The following ZBTB34 variants were observed in gnomAD, a reference collection of about 807,000 sequenced individuals.
ZBTB34 encodes zinc finger and BTB domain containing 34, also known as zinc finger and BTB domain-containing protein 34.
A neutral mutation model predicts 33.4 loss-of-function variants in ZBTB34; 1 was observed. That is an observed-to-expected ratio of 0.03 (90% CI 0.01 to 0.14). ZBTB34 has a LOEUF of 0.14. ZBTB34 is among the 10% of genes least tolerant of loss of function. ZBTB34 has a pLI of 1.00. For synonymous variants in ZBTB34, 283 were observed against 253.5 expected (o/e 1.12, Z -1.11); for missense variants, 406 against 657.2 (o/e 0.62, Z 4.18).
chr9:126,869,139 C>T (rs1357759598), intron 1 of ZBTB34, among the ~76,000 whole-genome samples: 2 of 151,914 alleles, frequency 1.3e-5, no homozygotes, highest in African/African-American at 4.8e-5. Context: ...ACTAAAATGC[C>T]CTCATTTGCC....
At chr9:126,885,208 C>T (rs949415632) in exon 2 of ZBTB34, 2 of 167,050 alleles carry the variant, frequency 1.2e-5, no homozygotes, top group Admixed American at 6.5e-5. Flanking sequence ...CTTCTCGGCC[C>T]GGAAGAGAAC....
At chr9:126,884,447 T>C (rs1195971259) in exon 2 of ZBTB34, 1 of 164,890 alleles carries the variant, frequency 6.1e-6, no homozygotes, top group Non-Finnish European at 1.5e-5. Flanking sequence ...GCCTTGGCAG[T>C]TGTGTTTTTT....
intron 1 of ZBTB34, among the ~76,000 whole-genome samples, chr9:126,875,974 G>C (rs2033350900): frequency 1.3e-5 from 2 of 151,758 alleles, no homozygotes; most frequent in Non-Finnish European, 2.9e-5. Context: ...ACCATTAAAT[G>C]AGTTTGCAAA....
chr9:126,867,851 A>G (rs894170292), intron 1 of ZBTB34, among the ~76,000 whole-genome samples: 7 of 151,844 alleles, frequency 4.6e-5, no homozygotes, highest in African/African-American at 1.7e-4. Context: ...GATCCTCCAT[A>G]CATTCCTTGG....
At chr9:126,870,082 G>A (rs1034874062) in intron 1 of ZBTB34, among the ~76,000 whole-genome samples, 1 of 152,070 alleles carries the variant, frequency 6.6e-6, no homozygotes, top group Non-Finnish European at 1.5e-5. Context: ...TTTGGGTGTG[G>A]TTTTTTTGCC....
rs566712539 is a variant in ZBTB34 at position 126,880,753 on chromosome 9, C to T, written c.1354C>T (p.Arg452Trp). Residue 452 changes from arginine to tryptophan, a missense_variant, in exon 2 of 2, where the codon CGG (arginine) becomes TGG (tryptophan). Arg to Trp is a moderately radical substitution (Grantham distance 101). This residue lies in a region of ZBTB34 where 36 missense variants were observed against 109.4 expected (regional missense o/e 0.33). Transcript: ENST00000319119. The surrounding 1 kb of genome is among the most constrained non-coding windows in gnomAD (Gnocchi z 6.7). ...CCAAGGTACCCTCAACCAGCACTTG[C>T]GGAAAAACCACCCAGGCGTTGCTGA... 3 of 1,613,692 alleles carry T rather than the reference C, an allele frequency of 1.9e-6. No homozygotes were observed. Among genetic ancestry groups the T allele is most frequent in the East Asian group, 2.2e-5 (1 of 44,886 alleles).
Position 126,880,135 on chromosome 9 carries a change from G to C in ZBTB34, c.736G>C (p.Asp246His). 4 of 1,613,746 alleles carry C rather than the reference G, an allele frequency of 2.5e-6. No individual in the cohort carries two copies. Among genetic ancestry groups the C allele is most frequent in the Non-Finnish European group, 3.4e-6 (4 of 1,179,888 alleles). Residue 246 changes from aspartate (D) to histidine (H), a missense_variant, in exon 2 of 2, where the codon GAC (aspartate) becomes CAC (histidine). Coordinates refer to ENST00000319119, the Ensembl canonical transcript of ZBTB34. The surrounding 1 kb of genome is among the most constrained non-coding windows in gnomAD (Gnocchi z 6.7). ...GGTGAAAGTGAAGATGGAGAAGTCCGACCGGCCCAGCTGTTCCGACAGCTC... is the reference window on the plus strand; with the variant it reads ...GGTGAAAGTGAAGATGGAGAAGTCCCACCGGCCCAGCTGTTCCGACAGCTC...
Position 126,880,814 on chromosome 9 carries a change from A to G in ZBTB34, c.1415A>G (p.Asp472Gly). ...CGCATTGAGTCCCCCGAGAGAACAGATGTGTACGTGGAACAGAAACTAGAA... is the reference window on the plus strand; with the variant it reads ...CGCATTGAGTCCCCCGAGAGAACAGGTGTGTACGTGGAACAGAAACTAGAA... Residue 472 changes from aspartate to glycine, a missense_variant, in exon 2 of 2, where the codon GAT (aspartate) becomes GGT (glycine). Transcript: ENST00000319119. The surrounding 1 kb of genome is among the most constrained non-coding windows in gnomAD (Gnocchi z 6.7). The G allele has an allele frequency of 6.2e-7, 1 of 1,613,750 alleles. No individual in the cohort carries two copies.
intron 1 of ZBTB34, chr9:126,863,635 A>C (rs2033167861): frequency 1.1e-6 from 1 of 947,890 alleles, no homozygotes; most frequent in Admixed American, 6.2e-5. Context: ...CATCAACTGA[A>C]CGCAGTTAAA....
chr9:126,865,553 A>G (rs753262897), intron 1 of ZBTB34, among the ~76,000 whole-genome samples: 1 of 152,220 alleles, frequency 6.6e-6, no homozygotes, highest in African/African-American at 2.4e-5. Context: ...TTTTGCCCAG[A>G]TGGCATCTGA....
chr9:126,882,672 A>G (rs1449642661), exon 2 of ZBTB34: 1 of 167,100 alleles, frequency 6.0e-6, no homozygotes, highest in Non-Finnish European at 1.5e-5. Context: ...GCAGCCACCT[A>G]AAAGAAAAAC....
intron 1 of ZBTB34, among the ~76,000 whole-genome samples, chr9:126,875,118 T>TAA (rs2033338163): frequency 6.6e-6 from 1 of 152,214 alleles, no homozygotes; most frequent in African/African-American, 2.4e-5. Context: ...TGGAATGTGG[T>TAA]TAGTCCAAAC....
intron 1 of ZBTB34, among the ~76,000 whole-genome samples, chr9:126,874,393 GTGTTT>G (rs1158420296): frequency 7.9e-5 from 12 of 151,992 alleles, no homozygotes; most frequent in South Asian, 4.2e-4. Flanking sequence ...TTCTACCTCG[GTGTTT>G]TGTTTTGTTT....
chr9:126,872,013 G>T (rs750293941), intron 1 of ZBTB34, among the ~76,000 whole-genome samples: 1 of 151,770 alleles, frequency 6.6e-6, no homozygotes, highest in Non-Finnish European at 1.5e-5. Context: ...GAGTACAATG[G>T]CACGATCTCG....
Position 126,865,202 on chromosome 9 carries a change from G to A in ZBTB34, c.-11+4463G>A, listed in dbSNP as rs553711534. On this transcript the variant is annotated intron_variant, in intron 1 of 1. Coordinates refer to ENST00000319119, the Ensembl canonical transcript of ZBTB34. ...GCTAGATTTTGCTGTGGGCAGAGAC[G>A]ATCCCGCATCTCTGGGGTCTCCAGA... Among the ~76,000 whole-genome samples, 27 of 152,350 alleles carry A rather than the reference G, an allele frequency of 1.8e-4. 1 individual carries two copies. The South Asian group carries it at 4.8e-3, about 27-fold the overall frequency.
At chr9:126,862,962 A>G (rs1174234796) in intron 1 of ZBTB34, among the ~76,000 whole-genome samples, 1 of 149,942 alleles carries the variant, frequency 6.7e-6, no homozygotes, top group Non-Finnish European at 1.5e-5. Flanking sequence ...TTTCTGTGTC[A>G]TAGATAAGTG....
intron 1 of ZBTB34, among the ~76,000 whole-genome samples, chr9:126,869,633 C>T (rs374170689): frequency 6.6e-6 from 1 of 152,144 alleles, no homozygotes; most frequent in African/African-American, 2.4e-5. Flanking sequence ...GTCCTGCCCA[C>T]ATCAGAGGTG....
chr9:126,874,232 A>T (rs1401260089), intron 1 of ZBTB34, among the ~76,000 whole-genome samples: 77 of 129,024 alleles, frequency 6.0e-4, no homozygotes, highest in African/African-American at 1.9e-3. Context: ...TTGTATTTTT[A>T]GTAGAGATGG....
intron 1 of ZBTB34, among the ~76,000 whole-genome samples, chr9:126,866,606 C>G (rs1288828274): frequency 1.3e-5 from 2 of 152,022 alleles, no homozygotes; most frequent in Non-Finnish European, 2.9e-5. Flanking sequence ...TTTTAAAAAT[C>G]TTTTTGGTCA....
Sources: allele counts gnomAD v4.1 joint callset (sites outside exome capture counted in the v4.1 genomes callset), GRCh38; gene constraint gnomAD v4.1.1; regional missense constraint gnomAD v4.1.1; non-coding constraint Gnocchi (gnomAD v3.1); transcripts MANE v1.5; gene names NCBI Gene and HGNC (gene_info 2026-07-23, HGNC 2026-07-21).